Variants in AFF3 observed in about 807,000 individuals in gnomAD.
AFF3 encodes AF4/FMR2 family member 3.
Under a neutral mutation model 129.7 loss-of-function variants are expected in AFF3, and 32 were observed. The observed-to-expected ratio is 0.25, with a 90% CI of 0.19 to 0.33. The LOEUF (loss-of-function observed/expected upper bound fraction) is 0.33. AFF3 is among the 10% of genes least tolerant of loss of function. The pLI, the probability that AFF3 is intolerant of heterozygous loss-of-function variation, is 1.00. For missense variants in AFF3, 1,373 were observed against 1,592.0 expected (o/e 0.86, Z 2.34); for synonymous variants, 644 against 635.4 (o/e 1.01, Z -0.20).
chr2:99,756,290 A>C (rs1214315306), intron 8 of AFF3, among the ~76,000 whole-genome samples: 1 of 152,208 alleles, frequency 6.6e-6, no homozygotes, highest in Non-Finnish European at 1.5e-5. Context: ...CCTTGAATTC[A>C]TTCCTAGTCT....
chr2:100,126,997 C>T (rs1170342294), intron 2 of AFF3, among the ~76,000 whole-genome samples: 3 of 152,168 alleles, frequency 2.0e-5, no homozygotes, highest in African/African-American at 7.2e-5. Flanking sequence ...CTGTTGGCTG[C>T]TCTGTGAGGT....
chr2:100,002,729 C>A (rs983569002), intron 7 of AFF3, among the ~76,000 whole-genome samples: 2 of 152,190 alleles, frequency 1.3e-5, no homozygotes, highest in African/African-American at 4.8e-5. Context: ...GAGCCCTCTG[C>A]AACAGCAGTT....
chr2:99,699,230 C>T (rs1204620494), intron 11 of AFF3, among the ~76,000 whole-genome samples: 1 of 152,202 alleles, frequency 6.6e-6, no homozygotes, highest in Non-Finnish European at 1.5e-5. Flanking sequence ...GTGTTGGAAG[C>T]TGTGCCTCTC....
At chr2:99,704,940 CA>C (rs1357100188) in intron 11 of AFF3, among the ~76,000 whole-genome samples, 1 of 151,948 alleles carries the variant, frequency 6.6e-6, no homozygotes, top group African/African-American at 2.4e-5. Context: ...GGCATCTGGA[CA>C]GAGATGAAAA....
chr2:99,925,052 T>C (rs980528652), intron 7 of AFF3, among the ~76,000 whole-genome samples: 1 of 151,782 alleles, frequency 6.6e-6, no homozygotes, highest in Non-Finnish European at 1.5e-5. Flanking sequence ...ATTTTTTACA[T>C]TTTTTTGTAG....
At chr2:99,663,526 T>C (rs1304717292) in intron 12 of AFF3, among the ~76,000 whole-genome samples, 1 of 152,254 alleles carries the variant, frequency 6.6e-6, no homozygotes, top group Non-Finnish European at 1.5e-5. Flanking sequence ...ATTAATTGCA[T>C]GCTCTCCAAA....
At chr2:99,982,524 C>T (rs879329726) in intron 7 of AFF3, among the ~76,000 whole-genome samples, 4 of 152,156 alleles carry the variant, frequency 2.6e-5, no homozygotes, top group Non-Finnish European at 5.9e-5. Flanking sequence ...ATACAGTGAC[C>T]AAACCAAAAG....
chr2:99,634,781 G>A (rs1424453534), intron 13 of AFF3, among the ~76,000 whole-genome samples: 1 of 151,566 alleles, frequency 6.6e-6, no homozygotes, highest in African/African-American at 2.4e-5. Context: ...GAACACAGAA[G>A]GATGGTTGAA....
intron 11 of AFF3, among the ~76,000 whole-genome samples, chr2:99,683,369 T>C (rs1335430228): frequency 1.3e-5 from 2 of 152,244 alleles, no homozygotes; most frequent in African/African-American, 4.8e-5. Context: ...AAATATTCAG[T>C]ATTCTAACTG....
At chr2:99,860,187 C>T (rs986496286) in intron 7 of AFF3, among the ~76,000 whole-genome samples, 1 of 151,824 alleles carries the variant, frequency 6.6e-6, no homozygotes, top group African/African-American at 2.4e-5. Context: ...GAGGCTGAGG[C>T]GGGAGGATCA....
intron 10 of AFF3, among the ~76,000 whole-genome samples, chr2:99,736,771 G>A (rs559683137): frequency 6.6e-6 from 1 of 151,810 alleles, no homozygotes; most frequent in African/African-American, 2.4e-5. Context: ...CACCACGCCC[G>A]GCTAATTTTT....
At chr2:99,985,041 G>A (rs572172156) in intron 7 of AFF3, among the ~76,000 whole-genome samples, 3 of 152,242 alleles carry the variant, frequency 2.0e-5, no homozygotes, top group African/African-American at 4.8e-5. Flanking sequence ...AGCTGCTCTC[G>A]TAATTAAGAA....
intron 4 of AFF3, among the ~76,000 whole-genome samples, chr2:100,031,393 A>G (rs1336486428): frequency 2.6e-5 from 4 of 152,236 alleles, no homozygotes; most frequent in Non-Finnish European, 4.4e-5. Context: ...ACTCAGTAGC[A>G]TATGTATTAG....
chr2:99,945,016 G>A (rs62147658), intron 7 of AFF3, among the ~76,000 whole-genome samples: 15,104 of 152,210 alleles, frequency 0.099, 951 homozygotes, highest in Non-Finnish European at 0.13. Flanking sequence ...ACCTATGCAC[G>A]TAGGCACTGT....
chr2:99,772,364 G>T (rs1683562915), intron 8 of AFF3, among the ~76,000 whole-genome samples: 1 of 152,050 alleles, frequency 6.6e-6, no homozygotes, highest in South Asian at 2.1e-4. Flanking sequence ...AGAAGGGAGT[G>T]AATTAGATGC....
At chr2:99,769,489 C>A (rs1416703314) in intron 8 of AFF3, among the ~76,000 whole-genome samples, 1 of 152,210 alleles carries the variant, frequency 6.6e-6, no homozygotes, top group Non-Finnish European at 1.5e-5. Flanking sequence ...GAATTAGTCC[C>A]TGACACCTTA....
At chr2:99,965,036 G>A (rs575742226) in intron 7 of AFF3, among the ~76,000 whole-genome samples, 43 of 152,152 alleles carry the variant, frequency 2.8e-4, no homozygotes, top group Non-Finnish European at 5.1e-4. Flanking sequence ...TGACAGTGTC[G>A]TGGTTGTTGA....
At chr2:99,745,975 G>A (rs974349149) in intron 9 of AFF3, among the ~76,000 whole-genome samples, 67 of 152,114 alleles carry the variant, frequency 4.4e-4, no homozygotes, top group Non-Finnish European at 4.4e-4. Flanking sequence ...TCAGAAGTGG[G>A]AGGATAGGAG....
intron 14 of AFF3, among the ~76,000 whole-genome samples, chr2:99,596,778 AT>A (rs1679329777): frequency 6.6e-6 from 1 of 152,244 alleles, no homozygotes; most frequent in African/African-American, 2.4e-5. Flanking sequence ...GCAGAATTTA[AT>A]ACATTTAGTA....
Sources: allele counts gnomAD v4.1 joint callset (sites outside exome capture counted in the v4.1 genomes callset), GRCh38; gene constraint gnomAD v4.1.1; transcripts MANE v1.5; gene names NCBI Gene and HGNC (gene_info 2026-07-23, HGNC 2026-07-21).